USP2: variants seen among roughly 807,000 people sequenced by gnomAD.
The protein encoded by USP2 is ubiquitin carboxyl-terminal hydrolase 2.
A neutral mutation model predicts 72.0 loss-of-function variants in USP2; 33 were observed. That is an observed-to-expected ratio of 0.46 (90% CI 0.35 to 0.61). The LOEUF (loss-of-function observed/expected upper bound fraction) is 0.61, where lower values mean the gene tolerates loss of function less well. USP2 is among the 20% of genes least tolerant of loss of function. USP2 has a pLI of 0.01. For synonymous variants in USP2, 296 were observed against 312.5 expected (o/e 0.95, Z 0.56); for missense variants, 691 against 797.8 (o/e 0.87, Z 1.61).
intron 3 of USP2, 149 bp downstream of exon 3, chr11:119,360,035 T>A (rs1950738235): frequency 2.9e-6 from 3 of 1,027,434 alleles, no homozygotes; most frequent in Non-Finnish European, 2.9e-6. Context: ...AGCCCAGCAA[T>A]TCTGTGAAAC....
Position 119,357,281 on chromosome 11 carries a change from C to G in USP2, c.1636G>C (p.Val546Leu), listed in dbSNP as rs762764904. The G allele has an allele frequency of 6.2e-7, 1 of 1,613,818 alleles. No homozygotes were observed. Among genetic ancestry groups the G allele is most frequent in the Non-Finnish European group, 8.5e-7 (1 of 1,179,974 alleles). The part of the protein sequence containing the change: ...TNHAVYNLYA[V>L]SNHSGTTMGG... The stretch of plus-strand genomic sequence containing the variant: ...ATGGTGGTTCCGGAGTGATTGGACA[C>G]AGCGTACAGGTTGTAAACAGCATGG... The change falls in exon 12 of 13, where the codon GTG (valine) becomes CTG (leucine). Residue 546 changes from valine (V) to leucine (L), a missense_variant. By Grantham distance (32) the Val-to-Leu change is conservative. Coordinates refer to ENST00000260187, the MANE Select transcript of USP2 (RefSeq NM_004205.5).
rs1036070377 is a variant in USP2, at chr11:119,371,996, G to A, written c.774+711C>T. Among the ~76,000 whole-genome samples the A allele has an allele frequency of 5.9e-5, 9 of 152,286 alleles. No homozygotes were observed. In the East Asian group the frequency reaches 1.2e-3, roughly 20 times the overall value. Reference sequence around the variant, plus strand: ...ATGTCGTCAGTGCCCCAAGAGAGGCGTGTGCGGGCATTAGTTGGCGAGCGA... The same window carrying A: ...ATGTCGTCAGTGCCCCAAGAGAGGCATGTGCGGGCATTAGTTGGCGAGCGA... On this transcript the variant is annotated intron_variant, in intron 2 of 12. Transcript: ENST00000260187.
chr11:119,373,833 G>A (rs1200068013), intron 1 of USP2, among the ~76,000 whole-genome samples: 3 of 152,220 alleles, frequency 2.0e-5, no homozygotes, highest in Admixed American at 1.3e-4. Flanking sequence ...AGCCCACCAA[G>A]CCGTGCAGTC....
intron 2 of USP2, among the ~76,000 whole-genome samples, chr11:119,369,496 T>C (rs779918943): frequency 6.6e-6 from 1 of 151,154 alleles, no homozygotes; most frequent in Non-Finnish European, 1.5e-5. Context: ...CAGGATGTAC[T>C]TTTTTTTACC....
At chr11:119,376,474 C>CA (rs2135411601) in intron 1 of USP2, 1 of 931,890 alleles carries the variant, frequency 1.1e-6, no homozygotes, top group African/African-American at 1.8e-5. Flanking sequence ...CAGCTCCTTT[C>CA]ACTGTTTACC....
rs1302367613 is a variant in USP2 at position 119,356,225 on chromosome 11, G to A, written c.*610C>T. 1 of 152,288 alleles carries A rather than the reference G, an allele frequency of 6.6e-6. No individual in the cohort carries two copies. Among genetic ancestry groups the A allele is most frequent in the African/African-American group, 2.4e-5 (1 of 41,342 alleles). The allele number at this position is 152,288 out of a possible 1,614,324, so 9.4% of individuals were successfully genotyped here. On this transcript the variant is annotated 3_prime_UTR_variant, in exon 13 of 13. Coordinates refer to ENST00000260187, the MANE Select transcript of USP2 (RefSeq NM_004205.5). ...CAGTGCAACGTCCCAGCTATGAAGA[G>A]GCCTGAAGGAGAGCACTCCAGTCTG...
In USP2 at chr11:119,381,622, G is replaced by T; in HGVS notation, c.-191C>A. 6.9e-7 allele frequency: 1 copy of T among 1,440,964 alleles called. No individual in the cohort carries two copies. The highest frequency in any genetic ancestry group is 9.4e-7 in the Non-Finnish European group (1 of 1,063,024). The allele number at this position is 1,440,964 out of a possible 1,614,324, so 89.3% of individuals were successfully genotyped here. On this transcript the variant is annotated 5_prime_UTR_variant, in exon 1 of 13. Transcript: ENST00000260187. ...TCCTGCCTGACTCTCTCCCACCTCC[G>T]CCGGGGGCCCAGAAGGGACCTCCCC...
intron 12 of USP2, 58 bp from the exon 13 acceptor site, chr11:119,356,980 G>C: frequency 5.9e-6 from 9 of 1,536,640 alleles, no homozygotes; most frequent in Admixed American, 2.0e-5. Flanking sequence ...CCCCCCGCCG[G>C]CTTCTTTCTG....
At chr11:119,365,853 A>G (rs544934286) in intron 2 of USP2, among the ~76,000 whole-genome samples, 14 of 151,728 alleles carry the variant, frequency 9.2e-5, no homozygotes, top group Non-Finnish European at 1.9e-4. Context: ...GTTAATTTCT[A>G]TAACATCATG....
intron 2 of USP2, among the ~76,000 whole-genome samples, chr11:119,367,572 AG>A (rs781509418): frequency 6.6e-6 from 1 of 152,182 alleles, no homozygotes; most frequent in Non-Finnish European, 1.5e-5. Context: ...TTTGCCCCAC[AG>A]TGCACCTTGG....
intron 1 of USP2, among the ~76,000 whole-genome samples, chr11:119,376,538 G>A (rs1438639356): frequency 5.3e-5 from 8 of 152,240 alleles, no homozygotes; most frequent in East Asian, 3.8e-4. Flanking sequence ...CCAGGTGTCC[G>A]CCACCTTGGA....
At chr11:119,364,203 C>A in intron 2 of USP2, 1 of 1,151,018 alleles carries the variant, frequency 8.7e-7, no homozygotes, top group Non-Finnish European at 1.1e-6. Flanking sequence ...CGCGCTCCGG[C>A]CGACTGGCGG....
At position 119,372,899 on chromosome 11, in the gene USP2, G is replaced by T; in HGVS notation, c.582C>A (p.Tyr194Ter). The T allele has an allele frequency of 6.2e-7, 1 of 1,611,214 alleles. No homozygotes were observed. The highest frequency in any genetic ancestry group is 8.5e-7 in the Non-Finnish European group (1 of 1,179,020). The change falls in exon 2 of 13, where the codon TAC (tyrosine) becomes TAA (stop). Residue 194 changes from tyrosine (Y) to a stop codon, truncating the protein, a stop_gained. Transcript: ENST00000260187. LOFTEE classifies it high-confidence loss of function. Reference sequence around the variant, plus strand: ...CATAGTTCTCCAGGTAGTCGACCAGGTATTCAGGGCAGCTGGCTGTCTGGT... The same window carrying T: ...CATAGTTCTCCAGGTAGTCGACCAGTTATTCAGGGCAGCTGGCTGTCTGGT... ...GLYQTASCPEYLVDYLENYGR... is the reference protein window; with the variant it reads ...GLYQTASCPE
rs774479557 is a variant in USP2 at position 119,373,386 on chromosome 11, G to A, written c.95C>T (p.Pro32Leu). The A allele has an allele frequency of 5.6e-6, 9 of 1,609,624 alleles. No individual in the cohort carries two copies. In the Admixed American group the frequency reaches 1.2e-4, roughly 21 times the overall value. Residue 32 changes from proline (P) to leucine (L), a missense_variant, in exon 2 of 13, where the codon CCG becomes CTG. By Grantham distance (98) the Pro-to-Leu change is moderately conservative. Coordinates refer to ENST00000260187, the MANE Select transcript of USP2 (RefSeq NM_004205.5). ...YAKSGYGAYTPSSYGANLAAS... is the reference protein window; with the variant it reads ...YAKSGYGAYTLSSYGANLAAS... ...AGCCAGATTGGCCCCATAGGAGGACGGGGTGTAGGCACCATAGCCCGACTT... is the reference window on the plus strand; with the variant it reads ...AGCCAGATTGGCCCCATAGGAGGACAGGGTGTAGGCACCATAGCCCGACTT...
intron 2 of USP2, chr11:119,364,156 C>T (rs1950814031): frequency 1.7e-6 from 2 of 1,208,228 alleles, no homozygotes; most frequent in Non-Finnish European, 2.1e-6. Flanking sequence ...CCTCAACCTC[C>T]CCGGCGTGCG....
In USP2 at chr11:119,372,762, C is replaced by A; in HGVS notation, c.719G>T (p.Gly240Val). 1 of 1,558,432 alleles carries A rather than the reference C, an allele frequency of 6.4e-7. No homozygotes were observed. The highest frequency in any genetic ancestry group is 8.6e-7 in the Non-Finnish European group (1 of 1,156,106). Residue 240 changes from glycine to valine, a missense_variant, in exon 2 of 13, where the codon GGA (glycine) becomes GTA (valine). Coordinates refer to ENST00000260187, the MANE Select transcript of USP2 (RefSeq NM_004205.5). ...GCTGGGCCCAGGGGCCTGACCCTTT[C>A]CCGTCTCCCACAGCGTGTAGCGGCC... ...PIGRYTLWET[G>V]KGQAPGPSRS...
chr11:119,358,953 C>T (rs970455800), intron 6 of USP2, 71 bp downstream of exon 6: 9 of 1,585,188 alleles, frequency 5.7e-6, no homozygotes, highest in Non-Finnish European at 6.9e-6. Flanking sequence ...AATCATTAAC[C>T]CCAAAGTGGT....
At chr11:119,376,098 A>G in intron 1 of USP2, 1 of 811,742 alleles carries the variant, frequency 1.2e-6, no homozygotes, top group East Asian at 1.3e-4. Flanking sequence ...GCCTGCGGAG[A>G]GGGTTCCTAC....
intron 2 of USP2, chr11:119,363,750 A>G: frequency 1.1e-6 from 1 of 926,596 alleles, no homozygotes; most frequent in Non-Finnish European, 1.5e-6. Context: ...GCTGGGAAGA[A>G]TCCGTCCCCT....
Sources: gnomAD v4.1 joint callset for allele counts (sites outside exome capture counted in the v4.1 genomes callset) on GRCh38, gnomAD v4.1.1 for gene constraint, MANE v1.5 for transcripts, NCBI Gene and HGNC (gene_info 2026-07-23, HGNC 2026-07-21) for gene names.